COA4: variants seen among roughly 807,000 people sequenced by gnomAD.
The protein encoded by COA4 is cytochrome c oxidase assembly factor 4 homolog, also known as cytochrome c oxidase assembly factor 4 homolog, mitochondrial.
Under a neutral mutation model 7.3 loss-of-function variants are expected in COA4, and 8 were observed. That is an observed-to-expected ratio of 1.10 (90% CI 0.64 to 1.98). The LOEUF (loss-of-function observed/expected upper bound fraction) is 1.98. COA4 is among the 30% of genes most tolerant of loss of function. The pLI is 0.00. For missense variants in COA4, 96 were observed against 111.2 expected (o/e 0.86, Z 0.62); for synonymous variants, 42 against 44.3 (o/e 0.95, Z 0.21).
At chr11:73,876,642 G>C (rs112146109) in intron 1 of COA4, 115 bp downstream of exon 1, 1 of 174,786 alleles carries the variant, frequency 5.7e-6, no homozygotes, top group African/African-American at 2.4e-5. Context: ...GGCCTGAGGC[G>C]CCTCAGGCGT....
chr11:73,876,664 T>C (rs1321275675), intron 1 of COA4, 93 bp downstream of exon 1: 5 of 202,552 alleles, frequency 2.5e-5, no homozygotes, highest in Non-Finnish European at 5.0e-5. Flanking sequence ...TCGAGGACTT[T>C]GAACTTTGAG....
chr11:73,874,966 GAC>G (rs1297768387), intron 1 of COA4, among the ~76,000 whole-genome samples: 4 of 152,190 alleles, frequency 2.6e-5, no homozygotes, highest in Admixed American at 2.6e-4. Flanking sequence ...CAGCCTGGGT[GAC>G]AGAGTGAGAC....
Position 73,876,738 on chromosome 11 carries a change from C to T in COA4, c.-17+19G>A, listed in dbSNP as rs892293345. 6 of 318,538 alleles carry T rather than the reference C, an allele frequency of 1.9e-5. No individual in the cohort carries two copies. The highest frequency in any genetic ancestry group is 1.1e-4 in the African/African-American group (5 of 46,740). 19.7% of individuals were successfully genotyped at this position (318,538 alleles called of 1,614,324 possible). ...TGTGCCCGCAACGCCTCCTGAAGAA[C>T]GCGGTACGCGATGCTCACCGAACAG... On this transcript the variant is annotated intron_variant, in intron 1 of 1. Coordinates refer to ENST00000355693, the MANE Select transcript of COA4 (RefSeq NM_016565.3).
At chr11:73,873,534 TTG>T (rs1399555098) in intron 1 of COA4, 140 bp from the exon 2 acceptor site, 35 of 639,502 alleles carry the variant, frequency 5.5e-5, no homozygotes, top group Non-Finnish European at 7.2e-5. Context: ...AGACAGATGC[TTG>T]TTTTTTTTTT....
At chr11:73,874,457 A>T (rs924819480) in intron 1 of COA4, 1 of 152,078 alleles carries the variant, frequency 6.6e-6, no homozygotes, top group Admixed American at 6.6e-5. Context: ...TCAAAAAAAA[A>T]GAAAAAAGAA....
rs148663961 is a variant in COA4, at chr11:73,873,480, G to C, written c.-16-86C>G. ...AGCACTGACCAGACTGCACCATTTA[G>C]CCTGTTTAATGTGTCTGTCTCCCGT... On this transcript the variant is annotated intron_variant, in intron 1 of 1. Coordinates refer to ENST00000355693, the MANE Select transcript of COA4 (RefSeq NM_016565.3). The C allele has an allele frequency of 6.1e-5, 74 of 1,220,178 alleles. 1 individual carries two copies. The highest frequency in any genetic ancestry group is 4.7e-4 in the Middle Eastern group (2 of 4,224). 75.6% of individuals were successfully genotyped at this position (1,220,178 alleles called of 1,614,324 possible). A position where few individuals can be genotyped will look rare whatever the true frequency, so the allele number is the denominator to read the frequency against.
At chr11:73,876,172 G>A (rs914535264) in intron 1 of COA4, 1 of 151,696 alleles carries the variant, frequency 6.6e-6, no homozygotes, top group African/African-American at 2.4e-5. Flanking sequence ...TTGTAAGGAG[G>A]CTGGTATGTC....
rs936740764 is a variant in COA4 at position 73,873,220 on chromosome 11, T to C, written c.159A>G (p.Gln53=). ...TGAACGCCTGCACCTGTGGCTGGCATTGCCGCCAGTCCTGGTGCTGGGCCA... is the reference window on the plus strand; with the variant it reads ...TGAACGCCTGCACCTGTGGCTGGCACTGCCGCCAGTCCTGGTGCTGGGCCA... ...ECMAQHQDWR[Q]CQPQVQAFKD... The change falls in exon 2 of 2, where the codon CAA becomes CAG. Residue 53 remains glutamine, a synonymous_variant. Coordinates refer to ENST00000355693, the MANE Select transcript of COA4 (RefSeq NM_016565.3). The C allele has an allele frequency of 1.6e-5, 26 of 1,614,214 alleles. No individual in the cohort carries two copies. The East Asian group carries it at 2.7e-4, about 17-fold the overall frequency.
intron 1 of COA4, chr11:73,874,583 G>A (rs1948721405): frequency 6.6e-6 from 1 of 152,344 alleles, no homozygotes; most frequent in East Asian, 1.9e-4. Context: ...AGTGAGCTAT[G>A]ATGGTGCCAC....
chr11:73,873,026 C>T lies in COA4; in HGVS notation c.*89G>A, dbSNP rs551885755. 38 of 1,490,170 alleles carry T rather than the reference C, an allele frequency of 2.6e-5. No homozygotes were observed. The African/African-American group carries it at 4.2e-4, about 16-fold the overall frequency. 92.3% of individuals were successfully genotyped at this position (1,490,170 alleles called of 1,614,324 possible). ...AACTCTCCCCATGTTTTAGACCTCC[C>T]ACACCAGCATTTAGGATTTCTTCCT... On this transcript the variant is annotated 3_prime_UTR_variant, in exon 2 of 2. Transcript: ENST00000355693.
At chr11:73,874,799 G>A (rs899825731) in intron 1 of COA4, among the ~76,000 whole-genome samples, 30 of 152,144 alleles carry the variant, frequency 2.0e-4, no homozygotes, top group Non-Finnish European at 3.4e-4. Context: ...CAGCCTGGCC[G>A]GGATGATGAA....
At chr11:73,875,001 A>G (rs1329969237) in intron 1 of COA4, among the ~76,000 whole-genome samples, 1 of 152,142 alleles carries the variant, frequency 6.6e-6, no homozygotes, top group Non-Finnish European at 1.5e-5. Flanking sequence ...ACAAACAAAC[A>G]AACAAAGTGA....
intron 1 of COA4, 181 bp from the exon 2 acceptor site, chr11:73,873,575 GC>G: frequency 1.8e-6 from 1 of 558,304 alleles, no homozygotes; most frequent in Non-Finnish European, 3.0e-6. Flanking sequence ...TTGCTTTGTT[GC>G]CCAGGCTCAC....
chr11:73,875,974 A>G (rs1005052300), intron 1 of COA4: 1 of 152,192 alleles, frequency 6.6e-6, no homozygotes, highest in Non-Finnish European at 1.5e-5. Flanking sequence ...CTCTGGAAGC[A>G]CAGAGATGAA....
Position 73,872,798 on chromosome 11 carries a change from A to C in COA4, c.*317T>G, listed in dbSNP as rs185331571. On this transcript the variant is annotated 3_prime_UTR_variant, in exon 2 of 2. Coordinates refer to ENST00000355693, the MANE Select transcript of COA4 (RefSeq NM_016565.3). ...TTAGATTGTAAATTTAATTTAAAAT[A>C]AAATGTCCCTAAAATCATCTCAGTA... is the stretch of plus-strand genomic sequence containing the variant. 8 of 294,250 alleles carry C rather than the reference A, an allele frequency of 2.7e-5. No individual in the cohort carries two copies. The East Asian group carries it at 3.6e-4, about 13-fold the overall frequency. The allele number at this position is 294,250 out of a possible 1,614,324, so 18.2% of individuals were successfully genotyped here.
chr11:73,874,847 G>A (rs754909946), intron 1 of COA4, among the ~76,000 whole-genome samples: 2 of 152,084 alleles, frequency 1.3e-5, no homozygotes, highest in South Asian at 2.1e-4. Flanking sequence ...TTAGGCGGGC[G>A]TGATGGCAGG....
At position 73,873,358 on chromosome 11, in the gene COA4, T is replaced by G; in HGVS notation, c.21A>C (p.Gln7His). 6.2e-7 allele frequency: 1 copy of G among 1,614,184 alleles called. No individual in the cohort carries two copies. Among genetic ancestry groups the G allele is most frequent in the Non-Finnish European group, 8.5e-7 (1 of 1,180,018 alleles). Residue 7 changes from glutamine (Q) to histidine (H), a missense_variant, in exon 2 of 2, where the codon CAA becomes CAC. By Grantham distance (24) the Gln-to-His change is conservative. Transcript: ENST00000355693. ...TCACCCGTTGGGTCCAGGTATGGCC[T>G]TGAGGGACTGAGGTTGACATCCTGG... MSTSVP[Q>H]GHTWTQRVKK...
Position 73,872,863 on chromosome 11 carries a change from C to T in COA4, c.*252G>A. 2.0e-6 allele frequency: 1 copy of T among 506,700 alleles called. No individual in the cohort carries two copies. The highest frequency in any genetic ancestry group is 3.5e-6 in the Non-Finnish European group (1 of 287,910). 31.4% of individuals were successfully genotyped at this position (506,700 alleles called of 1,614,324 possible). ...TTAAGATGTGGGGTGGGGGAGCATC[C>T]CTTAACACATTCTTTGTTTTCCTGG... On this transcript the variant is annotated 3_prime_UTR_variant, in exon 2 of 2. Transcript: ENST00000355693.
intron 1 of COA4, among the ~76,000 whole-genome samples, chr11:73,875,140 C>T (rs561286408): frequency 7.9e-5 from 12 of 152,288 alleles, no homozygotes; most frequent in Admixed American, 7.8e-4. Flanking sequence ...GTAAACTATA[C>T]AAAAATGTGA....
Sources: gnomAD v4.1 joint callset for allele counts (sites outside exome capture counted in the v4.1 genomes callset) on GRCh38, gnomAD v4.1.1 for gene constraint, MANE v1.5 for transcripts, NCBI Gene and HGNC (gene_info 2026-07-23, HGNC 2026-07-21) for gene names.